KHSRP: variants seen among roughly 807,000 people sequenced by gnomAD.
KHSRP encodes the protein far upstream element-binding protein 2.
A neutral mutation model predicts 94.9 loss-of-function variants in KHSRP; 13 were observed. That is an observed-to-expected ratio of 0.14 (90% CI 0.09 to 0.22). The LOEUF is 0.22. Among genes scored for constraint, KHSRP ranks in the 10% least tolerant of loss-of-function variants. The pLI is 1.00. For synonymous variants in KHSRP, 495 were observed against 401.4 expected (o/e 1.23, Z -2.79); for missense variants, 710 against 1,010.0 (o/e 0.70, Z 4.03).
chr19:6,419,966 C>T, intron 6 of KHSRP, 107 bp downstream of exon 6: 1 of 846,708 alleles, frequency 1.2e-6, no homozygotes, highest in Non-Finnish European at 1.9e-6. Flanking sequence ...CCAACAAGCG[C>T]CAGCTCGCTT....
Position 6,414,175 on chromosome 19 carries a change from AC to A in KHSRP, c.*848del, listed in dbSNP as rs1429654327. 1.1e-5 allele frequency: 17 copies of A among 1,584,508 alleles called. No homozygotes were observed. Among genetic ancestry groups the A allele is most frequent in the Non-Finnish European group, 1.4e-5 (16 of 1,164,200 alleles). ...CACTACGGGGAGGGAAGGGTGGGAG[AC>A]TAGGGGGCGGAAGAGAGGAGGGGCT... On this transcript the variant is annotated 3_prime_UTR_variant, in exon 19 of 19. Transcript: ENST00000600480.
chr19:6,421,264 C>A lies in KHSRP; in HGVS notation c.425+14G>T. On this transcript the variant is annotated intron_variant, in intron 4 of 18. Transcript: ENST00000600480. ...AACAGACAAGAAAGCAGTGTGGGCC[C>A]CACCATGGCTTACCTTGGGGGAGGA... 1 of 1,580,266 alleles carries A rather than the reference C, an allele frequency of 6.3e-7. No individual in the cohort carries two copies.
intron 17 of KHSRP, 25 bp downstream of exon 17, chr19:6,415,508 GC>G (rs760905596): frequency 8.4e-6 from 13 of 1,538,936 alleles, no homozygotes; most frequent in Middle Eastern, 3.6e-4. Flanking sequence ...CAGGGCTGGA[GC>G]CCCCCCGCCA....
intron 10 of KHSRP, 59 bp from the exon 11 acceptor site, chr19:6,417,900 A>T (rs1461826978): frequency 2.5e-6 from 4 of 1,603,256 alleles, no homozygotes; most frequent in Non-Finnish European, 3.4e-6. Context: ...TCTGCTGCCC[A>T]CTGGCCACAA....
In KHSRP at chr19:6,418,089, C is replaced by T. The variant is rs2092165285; in HGVS notation, c.880-10G>A. On this transcript the variant is annotated splice_polypyrimidine_tract_variant and intron_variant, in intron 9 of 18. Coordinates refer to ENST00000600480, the MANE Select transcript of KHSRP (RefSeq NM_001366299.1). The surrounding 1 kb of genome is among the most constrained non-coding windows in gnomAD (Gnocchi z 4.3). ...CCATCTCACAGGCTTGCTGCAAACA[C>T]ACAGGAAGCAGCCCCCATGGGTGAG... is the stretch of plus-strand genomic sequence containing the variant. The T allele has an allele frequency of 6.2e-7, 1 of 1,612,498 alleles. No homozygotes were observed. Among genetic ancestry groups the T allele is most frequent in the Non-Finnish European group, 8.5e-7 (1 of 1,178,620 alleles).
In KHSRP at chr19:6,424,585, G is replaced by C; in HGVS notation, c.117C>G (p.Asp39Glu). 1.0e-6 allele frequency: 1 copy of C among 956,878 alleles called. No individual in the cohort carries two copies. Among genetic ancestry groups the C allele is most frequent in the Non-Finnish European group, 1.2e-6 (1 of 810,692 alleles). 59.3% of individuals were successfully genotyped at this position (956,878 alleles called of 1,614,324 possible). A position where few individuals can be genotyped will look rare whatever the true frequency, so the allele number is the denominator to read the frequency against. ...CGCCGCCGGGACCGCCGCCGCCCCGGTCCCCCGCGCCTGGCGGGCCCGGCG... is the reference window on the plus strand; with the variant it reads ...CGCCGCCGGGACCGCCGCCGCCCCGCTCCCCCGCGCCTGGCGGGCCCGGCG... ...GPPPGPPGAG[D>E]RGGGGPGGGG... The change falls in exon 1 of 19, where the codon GAC becomes GAG. Residue 39 changes from aspartate to glutamate, a missense_variant. Transcript: ENST00000600480.
chr19:6,417,101 CGA>C lies in KHSRP; in HGVS notation c.1082-16_1082-15del, dbSNP rs754929529. On this transcript the variant is annotated splice_polypyrimidine_tract_variant and intron_variant, in intron 11 of 18. Coordinates refer to ENST00000600480, the MANE Select transcript of KHSRP (RefSeq NM_001366299.1). ...CTGTCCCGTCATCTGAGGCCAGCAC[CGA>C]GAGAGCAGAGACACAAGTTTAAAAG... 1.3e-5 allele frequency: 20 copies of C among 1,593,174 alleles called. 1 individual carries two copies. The East Asian group carries it at 3.4e-4, about 27-fold the overall frequency.
rs781735818 is a variant in KHSRP at position 6,421,251 on chromosome 19, A to G, written c.425+27T>C. 2.5e-6 allele frequency: 4 copies of G among 1,573,006 alleles called. No homozygotes were observed. The South Asian group carries it at 4.7e-5, about 18-fold the overall frequency. The stretch of plus-strand genomic sequence containing the variant: ...CAGTCTGCTGGCCAACAGACAAGAA[A>G]GCAGTGTGGGCCCCACCATGGCTTA... On this transcript the variant is annotated intron_variant, in intron 4 of 18. Transcript: ENST00000600480.
intron 5 of KHSRP, 56 bp from the exon 6 acceptor site, chr19:6,420,200 C>A: frequency 6.6e-7 from 1 of 1,504,110 alleles, no homozygotes; most frequent in Non-Finnish European, 9.2e-7. Context: ...GAGCCCAGGC[C>A]TCAGGAGACT....
intron 1 of KHSRP, among the ~76,000 whole-genome samples, chr19:6,423,768 G>A (rs1017258509): frequency 1.3e-5 from 2 of 152,174 alleles, no homozygotes; most frequent in African/African-American, 2.4e-5. Flanking sequence ...GCCATGGGGA[G>A]GCTGCAAATG....
In KHSRP at chr19:6,416,303, G is replaced by C. The variant is rs760473073; in HGVS notation, c.1593C>G (p.Pro531=). 7 of 1,601,282 alleles carry C rather than the reference G, an allele frequency of 4.4e-6. No homozygotes were observed. The highest frequency in any genetic ancestry group is 6.0e-6 in the Non-Finnish European group (7 of 1,176,176). Residue 531 remains proline (P), a synonymous_variant, in exon 15 of 19, where the codon CCC becomes CCG. Coordinates refer to ENST00000600480, the MANE Select transcript of KHSRP (RefSeq NM_001366299.1). ...GPFNQGPPGA[P]PHAGGPPPHQ... Reference sequence around the variant, plus strand: ...AGGAGGCAGAGGATACTCACTGTGGGGGAGCCCCGGGTGGCCCCTGGTTGA... The same window carrying C: ...AGGAGGCAGAGGATACTCACTGTGGCGGAGCCCCGGGTGGCCCCTGGTTGA...
At chr19:6,416,106 G>A (rs182213090) in intron 15 of KHSRP, among the ~76,000 whole-genome samples, 192 bp downstream of exon 15, 1,572 of 152,342 alleles carry the variant, frequency 0.01, 15 homozygotes, top group South Asian at 0.03. Flanking sequence ...AAACTTGCAC[G>A]TGCACAGAGG....
Position 6,413,480 on chromosome 19 carries a change from AC to A in KHSRP, c.*1543del. On this transcript the variant is annotated 3_prime_UTR_variant, in exon 19 of 19. Coordinates refer to ENST00000600480, the MANE Select transcript of KHSRP (RefSeq NM_001366299.1). ...TCTTGAACAGATGAAAAGACAACAG[AC>A]CAGTCCTGGGAGGGGGGACGGGCGG... is the stretch of plus-strand genomic sequence containing the variant. 2.8e-6 allele frequency: 1 copy of A among 360,074 alleles called. No individual in the cohort carries two copies. Among genetic ancestry groups the A allele is most frequent in the Non-Finnish European group, 5.6e-6 (1 of 179,200 alleles). 22.3% of individuals were successfully genotyped at this position (360,074 alleles called of 1,614,324 possible).
chr19:6,420,373 T>G, intron 5 of KHSRP, 49 bp downstream of exon 5: 1 of 1,583,800 alleles, frequency 6.3e-7, no homozygotes, highest in Non-Finnish European at 8.7e-7. Context: ...ACAGGACACT[T>G]CCTCCTGGGG....
At position 6,413,534 on chromosome 19, in the gene KHSRP, G is replaced by A. The variant is rs144697112; in HGVS notation, c.*1490C>T. On this transcript the variant is annotated 3_prime_UTR_variant, in exon 19 of 19. Transcript: ENST00000600480. The stretch of plus-strand genomic sequence containing the variant: ...CCGCGGGAGCTGAGCCAGGGCGGGA[G>A]GGAGAGAAGAGGGGGCTTGGCTGCT... The A allele has an allele frequency of 4.0e-3, 1,133 of 284,536 alleles. 18 individuals are homozygous for A. The highest frequency in any genetic ancestry group is 0.025 in the African/African-American group (1,088 of 43,362). 17.6% of individuals were successfully genotyped at this position (284,536 alleles called of 1,614,324 possible).
intron 4 of KHSRP, among the ~76,000 whole-genome samples, chr19:6,420,729 G>A (rs906287220): frequency 1.3e-5 from 2 of 152,236 alleles, no homozygotes; most frequent in African/African-American, 4.8e-5. Flanking sequence ...GTCACTCTAT[G>A]TCTCTCAGTT....
At chr19:6,420,684 C>T (rs1020222794) in intron 4 of KHSRP, among the ~76,000 whole-genome samples, 9 of 152,254 alleles carry the variant, frequency 5.9e-5, no homozygotes, top group Non-Finnish European at 1.3e-4. Flanking sequence ...CCCATTGATT[C>T]AGGGCGAGAG....
chr19:6,420,053 G>A lies in KHSRP; in HGVS notation c.547+20C>T, dbSNP rs377300435. The A allele has an allele frequency of 8.6e-5, 137 of 1,600,748 alleles. No individual in the cohort carries two copies. In the African/African-American group the frequency reaches 1.7e-3, roughly 19 times the overall value. ...CCCAACCCTGGCCCCCACTCTGGCA[G>A]GAACCTGACGCTCTTATACCTGGAG... is the stretch of plus-strand genomic sequence containing the variant. On this transcript the variant is annotated intron_variant, in intron 6 of 18. Coordinates refer to ENST00000600480, the MANE Select transcript of KHSRP (RefSeq NM_001366299.1).
chr19:6,415,678 G>GT lies in KHSRP; in HGVS notation c.1743dup (p.His582ThrfsTer25). 1 of 1,546,876 alleles carries GT rather than the reference G, an allele frequency of 6.5e-7. No homozygotes were observed. Among genetic ancestry groups the GT allele is most frequent in the Non-Finnish European group, 8.7e-7 (1 of 1,146,554 alleles). On this transcript the variant is annotated frameshift_variant, in exon 17 of 19. Transcript: ENST00000600480. LOFTEE classifies it high-confidence loss of function. Reference sequence around the variant, plus strand: ...GGGCCCGGGGGCTGCTGGTAGTAGTGTGAGTAGTAGGCGGCCCACGCGGCG... The same window carrying GT: ...GGGCCCGGGGGCTGCTGGTAGTAGTGTTGAGTAGTAGGCGGCCCACGCGGCG...
Sources: allele counts gnomAD v4.1 joint callset (sites outside exome capture counted in the v4.1 genomes callset), GRCh38; gene constraint gnomAD v4.1.1; non-coding constraint Gnocchi (gnomAD v3.1); transcripts MANE v1.5; gene names NCBI Gene and HGNC (gene_info 2026-07-23, HGNC 2026-07-21).